SCAPER: variants seen among roughly 807,000 people sequenced by gnomAD.
SCAPER encodes S-phase cyclin A associated protein in the ER.
Under a neutral mutation model 182.2 loss-of-function variants are expected in SCAPER, and 98 were observed. That is an observed-to-expected ratio of 0.54 (90% CI 0.46 to 0.64). The LOEUF (loss-of-function observed/expected upper bound fraction) is 0.64. Ranked by LOEUF, SCAPER falls within the 30% of genes least tolerant of loss-of-function variation. The probability of loss-of-function intolerance (pLI) is 0.00; values close to 1 mark genes in which losing one functional copy is unlikely to be tolerated. For synonymous variants in SCAPER, 605 were observed against 564.6 expected (o/e 1.07, Z -1.01); for missense variants, 1,432 against 1,690.0 (o/e 0.85, Z 2.68).
chr15:76,607,696 C>T (rs1388994120), intron 22 of SCAPER, among the ~76,000 whole-genome samples: 1 of 152,212 alleles, frequency 6.6e-6, no homozygotes, highest in Non-Finnish European at 1.5e-5. Flanking sequence ...TCCCATATTT[C>T]TTGGAAGCTT....
chr15:76,586,448 G>C (rs2048662589), intron 22 of SCAPER, among the ~76,000 whole-genome samples: 1 of 152,084 alleles, frequency 6.6e-6, no homozygotes, highest in South Asian at 2.1e-4. Context: ...AGAAGCTCTT[G>C]TTTCTTTTAC....
rs185838453 is a variant in SCAPER, at chr15:76,701,355, T to C, written c.2508+403A>G. ...AATCTAAATTCCATGTTGACAATAA[T>C]TATGTGTGAAGAAATAATGAATTTC... is the stretch of plus-strand genomic sequence containing the variant. On this transcript the variant is annotated intron_variant, in intron 20 of 31. Coordinates refer to ENST00000563290, the MANE Select transcript of SCAPER (RefSeq NM_020843.4). Among the ~76,000 whole-genome samples, 17 of 149,716 alleles carry C rather than the reference T, an allele frequency of 1.1e-4. No individual in the cohort carries two copies. In the Admixed American group the frequency reaches 1.1e-3, roughly 10 times the overall value.
At chr15:76,410,088 C>T (rs1607015) in intron 26 of SCAPER, among the ~76,000 whole-genome samples, 42,882 of 151,868 alleles carry the variant, frequency 0.28, 7,109 homozygotes, top group East Asian at 0.58. Context: ...CCATGGCATC[C>T]GGCCTACTTC....
At chr15:76,604,930 A>G (rs2050242874) in intron 22 of SCAPER, among the ~76,000 whole-genome samples, 1 of 152,072 alleles carries the variant, frequency 6.6e-6, no homozygotes, top group African/African-American at 2.4e-5. Flanking sequence ...TTTTGGGCTG[A>G]GACGATGGGG....
chr15:76,558,558 G>A (rs978727727), intron 23 of SCAPER, among the ~76,000 whole-genome samples: 25 of 152,204 alleles, frequency 1.6e-4, no homozygotes, highest in African/African-American at 5.8e-4. Flanking sequence ...AAAAGGGATT[G>A]CTTATATACT....
At chr15:76,794,579 C>A (rs928485696) in intron 8 of SCAPER, among the ~76,000 whole-genome samples, 2 of 152,228 alleles carry the variant, frequency 1.3e-5, no homozygotes, top group African/African-American at 4.8e-5. Context: ...ACATTTCTTT[C>A]TGAACCGAAA....
At chr15:76,597,247 C>A (rs1374110193) in intron 22 of SCAPER, among the ~76,000 whole-genome samples, 5 of 120,926 alleles carry the variant, frequency 4.1e-5, no homozygotes, top group African/African-American at 1.3e-4. Context: ...ACAACTTACA[C>A]GGGATGTGAA....
intron 25 of SCAPER, among the ~76,000 whole-genome samples, chr15:76,441,494 C>T (rs1456804477): frequency 6.6e-6 from 1 of 152,166 alleles, no homozygotes; most frequent in Non-Finnish European, 1.5e-5. Flanking sequence ...AAACTAAAAG[C>T]TCCAAACCTC....
At chr15:76,492,326 A>C (rs1219911015) in intron 24 of SCAPER, among the ~76,000 whole-genome samples, 2 of 152,222 alleles carry the variant, frequency 1.3e-5, no homozygotes, top group African/African-American at 4.8e-5. Flanking sequence ...CTCCACAGAA[A>C]GTAGAATTAC....
intron 22 of SCAPER, among the ~76,000 whole-genome samples, chr15:76,606,772 G>A: frequency 6.6e-6 from 1 of 151,758 alleles, no homozygotes. Context: ...ATTATGTAAT[G>A]GCCTTCTTTG....
chr15:76,697,199 C>T (rs62028176), intron 20 of SCAPER, among the ~76,000 whole-genome samples: 11,580 of 152,104 alleles, frequency 0.076, 499 homozygotes, highest in Middle Eastern at 0.11. Context: ...ACTATAGATA[C>T]CCTCTACTGA....
At chr15:76,471,574 G>A (rs1410859865) in intron 24 of SCAPER, among the ~76,000 whole-genome samples, 1 of 152,120 alleles carries the variant, frequency 6.6e-6, no homozygotes, top group Non-Finnish European at 1.5e-5. Context: ...ATTAGCTGCA[G>A]TTGCAGATAA....
chr15:76,793,415 G>C, intron 8 of SCAPER: 1 of 571,502 alleles, frequency 1.7e-6, no homozygotes, highest in Non-Finnish European at 3.1e-6. Flanking sequence ...GGCAGTATTA[G>C]AACACTGGGA....
At position 76,401,115 on chromosome 15, in the gene SCAPER, A is replaced by ATATATG. The variant is rs138713561; in HGVS notation, c.3467+3403_3467+3408dup. Among the ~76,000 whole-genome samples the ATATATG allele has an allele frequency of 6.8e-4, 103 of 152,152 alleles. No homozygotes were observed. In the East Asian group the frequency reaches 0.019, roughly 28 times the overall value. On this transcript the variant is annotated intron_variant, in intron 27 of 31. Transcript: ENST00000563290. ...TATCCAAGTAGACCAAAGTTTACAC[A>ATATATG]TATATGTATATGTATATGATATGTA...
At chr15:76,445,521 G>A (rs1235716462) in intron 25 of SCAPER, among the ~76,000 whole-genome samples, 1 of 152,134 alleles carries the variant, frequency 6.6e-6, no homozygotes, top group Non-Finnish European at 1.5e-5. Context: ...GTCAGCTGGG[G>A]GTGAAGGCTG....
At chr15:76,771,042 T>G (rs1340811983) in intron 10 of SCAPER, among the ~76,000 whole-genome samples, 2 of 152,152 alleles carry the variant, frequency 1.3e-5, no homozygotes, top group East Asian at 3.8e-4. Flanking sequence ...CATTAAATTT[T>G]AGAAGAAATT....
At chr15:76,794,295 T>C (rs1363445376) in intron 8 of SCAPER, among the ~76,000 whole-genome samples, 8 of 152,246 alleles carry the variant, frequency 5.3e-5, no homozygotes, top group East Asian at 1.9e-4. Flanking sequence ...TATGTATTAA[T>C]ACCATGATTC....
At chr15:76,647,380 T>C (rs919351261) in intron 21 of SCAPER, among the ~76,000 whole-genome samples, 3 of 152,208 alleles carry the variant, frequency 2.0e-5, no homozygotes, top group Admixed American at 2.0e-4. Context: ...CTTAAATATA[T>C]GATTTTTTTT....
intron 27 of SCAPER, among the ~76,000 whole-genome samples, chr15:76,382,709 C>A (rs1241876938): frequency 6.6e-6 from 1 of 152,194 alleles, no homozygotes; most frequent in Non-Finnish European, 1.5e-5. Flanking sequence ...GTAAGCCACA[C>A]ATTTCTCTGG....
Sources: allele counts gnomAD v4.1 joint callset (sites outside exome capture counted in the v4.1 genomes callset), GRCh38; gene constraint gnomAD v4.1.1; transcripts MANE v1.5; gene names NCBI Gene and HGNC (gene_info 2026-07-23, HGNC 2026-07-21).